The following PLXDC2 variants were observed in gnomAD, a reference collection of about 807,000 sequenced individuals.
PLXDC2 encodes plexin domain-containing protein 2.
PLXDC2 carries 40 observed loss-of-function variants against 68.9 expected under a neutral mutation model. The ratio of observed to expected loss-of-function variants is 0.58; its 90% CI spans 0.45 to 0.76. The LOEUF is 0.76. PLXDC2 is among the 30% of genes least tolerant of loss of function. The pLI is 0.00. For missense variants in PLXDC2, 644 were observed against 661.9 expected, an observed-to-expected ratio of 0.97 and a Z score of 0.30; for synonymous variants, 243 against 234.2, an observed-to-expected ratio of 1.04 and a Z score of -0.34.
chr10:19,938,624 C>T lies in PLXDC2; in HGVS notation c.113-63151C>T, dbSNP rs1026460998. Reference sequence around the variant, plus strand: ...GTGATCCAATCACCTCCCACCAGGTCCTACCTCCAATGTGGGTATTACAAT... The same window carrying T: ...GTGATCCAATCACCTCCCACCAGGTTCTACCTCCAATGTGGGTATTACAAT... On this transcript the variant is annotated intron_variant, in intron 1 of 13. Coordinates refer to ENST00000377252, the MANE Select transcript of PLXDC2 (RefSeq NM_032812.9). Among the ~76,000 whole-genome samples, 3 of 152,142 alleles carry T rather than the reference C, an allele frequency of 2.0e-5. No homozygotes were observed. In the East Asian group the frequency reaches 5.8e-4, roughly 29 times the overall value.
intron 1 of PLXDC2, among the ~76,000 whole-genome samples, chr10:19,840,660 G>A (rs1246978667): frequency 6.6e-6 from 1 of 151,938 alleles, no homozygotes; most frequent in Non-Finnish European, 1.5e-5. Flanking sequence ...ATTTCATCAA[G>A]GAACTTCTAA....
intron 9 of PLXDC2, among the ~76,000 whole-genome samples, chr10:20,199,419 C>T (rs549737396): frequency 6.6e-6 from 1 of 151,702 alleles, no homozygotes; most frequent in Admixed American, 6.6e-5. Context: ...AAAAAAGAAA[C>T]ATAAGTAAGA....
At chr10:20,038,746 C>T (rs1835623884) in intron 2 of PLXDC2, among the ~76,000 whole-genome samples, 1 of 152,124 alleles carries the variant, frequency 6.6e-6, no homozygotes, top group African/African-American at 2.4e-5. Context: ...TACTATCAAT[C>T]ATTCACTTTT....
intron 9 of PLXDC2, among the ~76,000 whole-genome samples, chr10:20,179,879 G>A (rs1378685442): frequency 6.6e-6 from 1 of 152,030 alleles, no homozygotes; most frequent in Non-Finnish European, 1.5e-5. Flanking sequence ...TAGCTCATAA[G>A]TGATAAGTTT....
intron 2 of PLXDC2, among the ~76,000 whole-genome samples, chr10:20,005,925 C>T (rs1243227003): frequency 6.6e-6 from 1 of 152,196 alleles, no homozygotes. Flanking sequence ...CGCAGTGGCT[C>T]ACACCTGTAA....
At chr10:19,867,269 T>G (rs976260701) in intron 1 of PLXDC2, among the ~76,000 whole-genome samples, 11 of 152,062 alleles carry the variant, frequency 7.2e-5, no homozygotes, top group Non-Finnish European at 1.3e-4. Flanking sequence ...TTTACTCTGT[T>G]GGTCAGCCTG....
intron 1 of PLXDC2, among the ~76,000 whole-genome samples, chr10:19,905,145 T>G (rs1250838449): frequency 6.6e-6 from 1 of 152,220 alleles, no homozygotes; most frequent in Admixed American, 6.5e-5. Context: ...CTCTGATTGG[T>G]TCACTGTAAT....
intron 9 of PLXDC2, among the ~76,000 whole-genome samples, chr10:20,199,841 A>G (rs530162714): frequency 1.4e-4 from 22 of 152,048 alleles, no homozygotes; most frequent in African/African-American, 5.1e-4. Flanking sequence ...GAGGATTTAA[A>G]CTCCCAGGTA....
At chr10:20,219,741 C>T (rs368827384) in intron 12 of PLXDC2, among the ~76,000 whole-genome samples, 2 of 152,078 alleles carry the variant, frequency 1.3e-5, no homozygotes, top group Admixed American at 6.6e-5. Flanking sequence ...CTCATGTATG[C>T]TGGGTCTTAA....
chr10:20,252,948 T>G (rs922574732), intron 13 of PLXDC2, among the ~76,000 whole-genome samples: 4 of 147,120 alleles, frequency 2.7e-5, no homozygotes, highest in African/African-American at 4.9e-5. Context: ...ATAAGTGGCA[T>G]CCTTATTATT....
chr10:20,123,699 C>T (rs1233435667), intron 4 of PLXDC2, among the ~76,000 whole-genome samples: 10 of 149,598 alleles, frequency 6.7e-5, no homozygotes, highest in South Asian at 2.1e-4. Context: ...GGAAGGGGTT[C>T]GGGGGTTCTT....
chr10:19,848,021 C>T (rs1243942149), intron 1 of PLXDC2, among the ~76,000 whole-genome samples: 4 of 152,122 alleles, frequency 2.6e-5, no homozygotes, highest in African/African-American at 9.7e-5. Flanking sequence ...ATCCCATTTT[C>T]ATACATTAGA....
intron 1 of PLXDC2, among the ~76,000 whole-genome samples, chr10:19,856,041 G>A (rs1837205543): frequency 6.6e-6 from 1 of 152,174 alleles, no homozygotes; most frequent in African/African-American, 2.4e-5. Context: ...GTTGCAGTGA[G>A]CCAAGATCGT....
intron 7 of PLXDC2, among the ~76,000 whole-genome samples, chr10:20,171,894 G>A (rs144994562): frequency 5.1e-4 from 78 of 152,188 alleles, no homozygotes; most frequent in African/African-American, 1.4e-3. Context: ...AGGATCACTT[G>A]AGCCCGCCAG....
intron 4 of PLXDC2, among the ~76,000 whole-genome samples, chr10:20,097,366 A>G (rs1833364757): frequency 6.6e-6 from 1 of 152,138 alleles, no homozygotes; most frequent in South Asian, 2.1e-4. Context: ...AAAATTTAAT[A>G]ACCGACTTTG....
At chr10:19,893,013 A>T (rs1380052672) in intron 1 of PLXDC2, among the ~76,000 whole-genome samples, 4 of 151,046 alleles carry the variant, frequency 2.6e-5, no homozygotes, top group African/African-American at 4.9e-5. Flanking sequence ...ATATTTAGAG[A>T]TCTAGATTTA....
intron 2 of PLXDC2, among the ~76,000 whole-genome samples, chr10:20,046,593 A>T (rs1255137334): frequency 6.6e-6 from 1 of 152,056 alleles, no homozygotes; most frequent in African/African-American, 2.4e-5. Context: ...ATTTTATCTG[A>T]TTAGCACTTA....
intron 1 of PLXDC2, among the ~76,000 whole-genome samples, chr10:19,885,234 T>C (rs1037005853): frequency 5.3e-5 from 8 of 151,844 alleles, no homozygotes; most frequent in Non-Finnish European, 1.2e-4. Context: ...TTGGAGTTCA[T>C]TGTAGATTCT....
chr10:20,025,268 CTT>C (rs56863692), intron 2 of PLXDC2, among the ~76,000 whole-genome samples: 409 of 144,830 alleles, frequency 2.8e-3, no homozygotes, highest in African/African-American at 5.2e-3. Context: ...GTTTTTTCGA[CTT>C]TTTTTTTTTT....
Sources: allele counts gnomAD v4.1 joint callset (sites outside exome capture counted in the v4.1 genomes callset), GRCh38; gene constraint gnomAD v4.1.1; transcripts MANE v1.5; gene names NCBI Gene and HGNC (gene_info 2026-07-23, HGNC 2026-07-21).